Variants in LRP1B observed in about 807,000 individuals in gnomAD.
The protein encoded by LRP1B is LDL receptor related protein 1B.
In LRP1B, 217 loss-of-function variants were observed where a neutral mutation model predicts 556.6. The ratio of observed to expected loss-of-function variants is 0.39; its 90% CI spans 0.35 to 0.44. The LOEUF is 0.44. Ranked by LOEUF, LRP1B falls within the 20% of genes least tolerant of loss-of-function variation. LRP1B has a pLI of 1.00. For missense variants in LRP1B, 5,053 were observed against 5,620.8 expected (o/e 0.90, Z 3.23); for synonymous variants, 2,047 against 1,865.8 (o/e 1.10, Z -2.50).
intron 1 of LRP1B, among the ~76,000 whole-genome samples, chr2:142,089,916 T>G (rs1488670937): frequency 1.3e-5 from 2 of 152,166 alleles, no homozygotes; most frequent in African/African-American, 4.8e-5. Flanking sequence ...CAGTTTTGGT[T>G]TTATCTCTCA....
intron 3 of LRP1B, among the ~76,000 whole-genome samples, chr2:141,275,359 A>T (rs1685247710): frequency 6.6e-6 from 1 of 152,198 alleles, no homozygotes; most frequent in South Asian, 2.1e-4. Context: ...AGCAAACAAA[A>T]TATTCATCTT....
chr2:140,792,625 C>T (rs181591783), intron 32 of LRP1B, among the ~76,000 whole-genome samples: 260 of 152,114 alleles, frequency 1.7e-3, no homozygotes, highest in African/African-American at 5.9e-3. Context: ...TAGAAGATGG[C>T]AGTCATGATG....
intron 2 of LRP1B, among the ~76,000 whole-genome samples, chr2:141,754,043 C>A (rs916685463): frequency 6.6e-6 from 1 of 152,228 alleles, no homozygotes; most frequent in Admixed American, 6.5e-5. Flanking sequence ...CACTAGCATG[C>A]CCTGTACTAT....
intron 60 of LRP1B, among the ~76,000 whole-genome samples, chr2:140,471,501 A>C (rs999656653): frequency 1.3e-5 from 2 of 152,214 alleles, no homozygotes; most frequent in African/African-American, 4.8e-5. Context: ...TTCAATAATA[A>C]TATAAATCAT....
chr2:141,023,927 A>C (rs1219745410), intron 11 of LRP1B, among the ~76,000 whole-genome samples: 1 of 152,050 alleles, frequency 6.6e-6, no homozygotes, highest in Non-Finnish European at 1.5e-5. Context: ...CTACGTGAGT[A>C]CAGAGTATGG....
intron 2 of LRP1B, among the ~76,000 whole-genome samples, chr2:141,664,347 G>C (rs541188281): frequency 1.0e-3 from 155 of 152,276 alleles, no homozygotes; most frequent in African/African-American, 3.6e-3. Context: ...AGTATTAGAA[G>C]TTCCGGCCAG....
chr2:141,678,660 GA>G (rs1335189663), intron 2 of LRP1B, among the ~76,000 whole-genome samples: 18 of 152,070 alleles, frequency 1.2e-4, no homozygotes, highest in Non-Finnish European at 2.6e-4. Flanking sequence ...AACACTCAAA[GA>G]ATATCTACAT....
chr2:140,352,922 A>G (rs1682038600), intron 76 of LRP1B, 31 bp downstream of exon 76: 2 of 1,584,282 alleles, frequency 1.3e-6, no homozygotes, highest in South Asian at 1.2e-5. Flanking sequence ...CAAAATTGTA[A>G]TAGGATTTGC....
At chr2:141,996,704 T>A (rs890864002) in intron 1 of LRP1B, among the ~76,000 whole-genome samples, 10 of 97,520 alleles carry the variant, frequency 1.0e-4, no homozygotes, top group Admixed American at 5.9e-4. Context: ...TGTATTTAAA[T>A]TTTTTCTTTC....
intron 41 of LRP1B, among the ~76,000 whole-genome samples, chr2:140,676,097 CT>C (rs1354888026): frequency 2.0e-5 from 3 of 152,102 alleles, no homozygotes; most frequent in Admixed American, 6.5e-5. Context: ...AAACTAAGTA[CT>C]TATTTTCACA....
intron 2 of LRP1B, among the ~76,000 whole-genome samples, chr2:141,666,828 C>T (rs1489216457): frequency 6.6e-6 from 1 of 152,194 alleles, no homozygotes; most frequent in Non-Finnish European, 1.5e-5. Context: ...TAATGTGCCA[C>T]ATGATACAAT....
chr2:140,593,844 G>A (rs1407876359), intron 43 of LRP1B, among the ~76,000 whole-genome samples: 10 of 151,982 alleles, frequency 6.6e-5, no homozygotes, highest in African/African-American at 2.4e-4. Flanking sequence ...TGTTTGAAAG[G>A]ATCTGTTTCT....
intron 87 of LRP1B, among the ~76,000 whole-genome samples, chr2:140,244,806 CTGA>C (rs1681085153): frequency 6.6e-6 from 1 of 151,334 alleles, no homozygotes; most frequent in Admixed American, 6.6e-5. Context: ...CAGAGGTCCA[CTGA>C]TGATAGAAAT....
chr2:140,999,424 C>T lies in LRP1B; in HGVS notation c.2504-5289G>A, dbSNP rs72991773. On this transcript the variant is annotated intron_variant, in intron 15 of 90. Transcript: ENST00000389484. Reference sequence around the variant, plus strand: ...TAGATATTAGAAAGAGACCAACAGTCTCAGAAAAAAATTTCTCTACTTTCA... The same window carrying T: ...TAGATATTAGAAAGAGACCAACAGTTTCAGAAAAAAATTTCTCTACTTTCA... Among the ~76,000 whole-genome samples, 1,216 of 152,082 alleles carry T rather than the reference C, an allele frequency of 8.0e-3. 21 individuals are homozygous for T. Among genetic ancestry groups the T allele is most frequent in the African/African-American group, 0.028 (1,176 of 41,538 alleles).
intron 84 of LRP1B, among the ~76,000 whole-genome samples, chr2:140,295,963 A>G (rs1010519648): frequency 1.3e-5 from 2 of 152,160 alleles, no homozygotes; most frequent in Admixed American, 1.3e-4. Context: ...GAGTATATTT[A>G]AAGGTAAAAT....
At chr2:140,795,420 G>T in intron 32 of LRP1B, among the ~76,000 whole-genome samples, 1 of 152,038 alleles carries the variant, frequency 6.6e-6, no homozygotes. Flanking sequence ...ATAGTTATGA[G>T]CTCTTCTTTT....
intron 6 of LRP1B, among the ~76,000 whole-genome samples, chr2:141,213,117 A>ATTTTT (rs551951254): frequency 2.1e-5 from 3 of 140,320 alleles, no homozygotes; most frequent in African/African-American, 7.9e-5. Flanking sequence ...CAGCTAATTA[A>ATTTTT]TTTTTTTTTT....
At chr2:141,838,321 C>G (rs1431603700) in intron 1 of LRP1B, among the ~76,000 whole-genome samples, 1 of 152,144 alleles carries the variant, frequency 6.6e-6, no homozygotes. Flanking sequence ...TATAGAGCCA[C>G]TCCACTGCAT....
Position 140,879,028 on chromosome 2 carries a change from C to A in LRP1B, c.4169+4789G>T, listed in dbSNP as rs561763888. ...AAAGAAAAAGAAAAGAAAAAATAAT[C>A]CCTGAAAACAAACTATGAATTTGGA... On this transcript the variant is annotated intron_variant, in intron 25 of 90. Coordinates refer to ENST00000389484, the MANE Select transcript of LRP1B (RefSeq NM_018557.3). Among the ~76,000 whole-genome samples the A allele has an allele frequency of 2.0e-5, 3 of 151,650 alleles. No individual in the cohort carries two copies. The South Asian group carries it at 6.2e-4, about 32-fold the overall frequency.
Sources: allele counts gnomAD v4.1 joint callset (sites outside exome capture counted in the v4.1 genomes callset), GRCh38; gene constraint gnomAD v4.1.1; transcripts MANE v1.5; gene names NCBI Gene and HGNC (gene_info 2026-07-23, HGNC 2026-07-21).